PDK1: variants seen among roughly 807,000 people sequenced by gnomAD.
PDK1 encodes pyruvate dehydrogenase kinase 1.
In PDK1, 39 loss-of-function variants were observed where a neutral mutation model predicts 54.2. The ratio of observed to expected loss-of-function variants is 0.72; its 90% CI spans 0.56 to 0.94. The LOEUF is 0.94. PDK1 is among the 40% of genes least tolerant of loss of function. The pLI is 0.00. For missense variants in PDK1, 552 were observed against 566.0 expected (o/e 0.98, Z 0.25); for synonymous variants, 221 against 207.1 (o/e 1.07, Z -0.58).
rs1691084856 is a variant in PDK1 at position 172,600,715 on chromosome 2, T to G, written c.*4746T>G. 1 of 152,268 alleles carries G rather than the reference T, an allele frequency of 6.6e-6. No individual in the cohort carries two copies. Among genetic ancestry groups the G allele is most frequent in the Non-Finnish European group, 1.5e-5 (1 of 68,120 alleles). The allele number at this position is 152,268 out of a possible 1,614,324, so 9.4% of individuals were successfully genotyped here. A position where few individuals can be genotyped will look rare whatever the true frequency, so the allele number is the denominator to read the frequency against. On this transcript the variant is annotated 3_prime_UTR_variant, in exon 11 of 11. Transcript: ENST00000282077. ...GGAGGGGGCTCATGAGGAGGGGATA[T>G]CTTATCCTCCTAGGGTCCGAGGACG... is the stretch of plus-strand genomic sequence containing the variant.
intron 10 of PDK1, among the ~76,000 whole-genome samples, chr2:172,594,940 T>C (rs977346083): frequency 1.3e-5 from 2 of 152,192 alleles, no homozygotes; most frequent in African/African-American, 4.8e-5. Context: ...AGAAATCTTG[T>C]GCACAGTGAC....
intron 8 of PDK1, among the ~76,000 whole-genome samples, chr2:172,583,219 A>G (rs1415894198): frequency 6.6e-6 from 1 of 151,362 alleles, no homozygotes; most frequent in African/African-American, 2.4e-5. Flanking sequence ...CATCTTACTA[A>G]AATAAATTAC....
intron 3 of PDK1, among the ~76,000 whole-genome samples, chr2:172,563,587 A>G (rs867993762): frequency 6.6e-6 from 1 of 152,316 alleles, no homozygotes; most frequent in Middle Eastern, 3.4e-3. Context: ...TAATCCCAGC[A>G]CTTTGGGAGG....
intron 2 of PDK1, among the ~76,000 whole-genome samples, 171 bp from the exon 3 acceptor site, chr2:172,562,049 G>A (rs1392197299): frequency 6.6e-6 from 1 of 152,124 alleles, no homozygotes; most frequent in Non-Finnish European, 1.5e-5. Context: ...TTCATTCCCA[G>A]CACTTTGCTT....
the PDK1 span, among the ~76,000 whole-genome samples, chr2:172,629,273 T>C: frequency 6.6e-6 from 1 of 152,214 alleles, no homozygotes; most frequent in African/African-American, 2.4e-5. Flanking sequence ...AGAACATGCA[T>C]TCCTGTTTTC....
chr2:172,652,415 G>A, the PDK1 span, among the ~76,000 whole-genome samples: 3 of 152,160 alleles, frequency 2.0e-5, no homozygotes, highest in Admixed American at 6.5e-5. Flanking sequence ...GCACAAGACA[G>A]GGATGCCCTC....
Position 172,556,311 on chromosome 2 carries a change from C to G in PDK1, c.161C>G (p.Pro54Arg). ...GTGGACTTCTACGCGCGCTTCTCGCCGTCCCCGCTCTCCATGAAGCAGTTC... is the reference window on the plus strand; with the variant it reads ...GTGGACTTCTACGCGCGCTTCTCGCGGTCCCCGCTCTCCATGAAGCAGTTC... The part of the protein sequence containing the change: ...GQVDFYARFS[P>R]SPLSMKQFLD... Residue 54 changes from proline to arginine, a missense_variant, in exon 1 of 11, where the codon CCG becomes CGG. Pro to Arg is a moderately radical substitution (Grantham distance 103). Coordinates refer to ENST00000282077, the MANE Select transcript of PDK1 (RefSeq NM_002610.5). 2 of 1,499,734 alleles carry G rather than the reference C, an allele frequency of 1.3e-6. No individual in the cohort carries two copies. The highest frequency in any genetic ancestry group is 1.8e-4 in the Middle Eastern group (1 of 5,674). The allele number at this position is 1,499,734 out of a possible 1,614,324, so 92.9% of individuals were successfully genotyped here.
rs756207053 is a variant in PDK1 at position 172,564,479 on chromosome 2, G to A, written c.411-24G>A. The A allele has an allele frequency of 1.6e-5, 25 of 1,585,660 alleles. No individual in the cohort carries two copies. In the East Asian group the frequency reaches 4.3e-4, roughly 27 times the overall value. On this transcript the variant is annotated intron_variant, in intron 3 of 10. Coordinates refer to ENST00000282077, the MANE Select transcript of PDK1 (RefSeq NM_002610.5). ...AGTTTACTTGTCAAAATATTTGGCTGTTTTGACAGATGGGTTTGTTTAGCT... is the reference window on the plus strand; with the variant it reads ...AGTTTACTTGTCAAAATATTTGGCTATTTTGACAGATGGGTTTGTTTAGCT...
the PDK1 span, among the ~76,000 whole-genome samples, chr2:172,715,474 C>G: frequency 6.6e-6 from 1 of 152,298 alleles, no homozygotes; most frequent in Non-Finnish European, 1.5e-5. Context: ...AGGCCCACCA[C>G]TATGTATTTC....
At chr2:172,669,666 C>T in the PDK1 span, among the ~76,000 whole-genome samples, 16 of 152,282 alleles carry the variant, frequency 1.1e-4, no homozygotes, top group East Asian at 3.1e-3. Context: ...TCTCCACGTC[C>T]TTACCAACAC....
chr2:172,709,893 A>G, the PDK1 span, among the ~76,000 whole-genome samples: 139 of 152,196 alleles, frequency 9.1e-4, 2 homozygotes, highest in Admixed American at 3.9e-4. Flanking sequence ...ATAAACCCAC[A>G]TGACATTTTA....
chr2:172,560,538 G>C (rs1187950195), intron 2 of PDK1, among the ~76,000 whole-genome samples: 1 of 152,208 alleles, frequency 6.6e-6, no homozygotes, highest in Non-Finnish European at 1.5e-5. Flanking sequence ...CAGTACCATT[G>C]ATAGTGGAGT....
intron 5 of PDK1, among the ~76,000 whole-genome samples, chr2:172,566,287 G>T (rs1450811221): frequency 6.6e-6 from 1 of 152,168 alleles, no homozygotes; most frequent in Non-Finnish European, 1.5e-5. Context: ...AGGCACAGTG[G>T]CTCATGCCTA....
chr2:172,640,919 TC>T, the PDK1 span, among the ~76,000 whole-genome samples: 1 of 140,918 alleles, frequency 7.1e-6, no homozygotes, highest in Non-Finnish European at 1.5e-5. Context: ...CTTCCTTCCC[TC>T]CCTTCCTTCC....
chr2:172,560,261 G>A (rs1252910118), intron 2 of PDK1, among the ~76,000 whole-genome samples: 1 of 152,224 alleles, frequency 6.6e-6, no homozygotes, highest in African/African-American at 2.4e-5. Flanking sequence ...CTGGGGTCAA[G>A]AGATTCTCCT....
the PDK1 span, among the ~76,000 whole-genome samples, chr2:172,657,117 G>T: frequency 6.6e-6 from 1 of 152,122 alleles, no homozygotes; most frequent in Non-Finnish European, 1.5e-5. Context: ...AATTTTCTGG[G>T]AGGTGGTTTG....
chr2:172,693,055 T>G, the PDK1 span, among the ~76,000 whole-genome samples: 1 of 152,244 alleles, frequency 6.6e-6, no homozygotes, highest in African/African-American at 2.4e-5. Context: ...ACCAGATTTA[T>G]GCTTCAGTCA....
At chr2:172,587,178 CAAG>C (rs1162418483) in intron 9 of PDK1, among the ~76,000 whole-genome samples, 3 of 152,196 alleles carry the variant, frequency 2.0e-5, no homozygotes, top group African/African-American at 2.4e-5. Context: ...TTGCTGACTT[CAAG>C]AATGAAGCTG....
the PDK1 span, among the ~76,000 whole-genome samples, chr2:172,679,228 T>C: frequency 1.3e-5 from 2 of 152,208 alleles, no homozygotes; most frequent in African/African-American, 4.8e-5. Context: ...GGATGATTGC[T>C]TGAAGCTAGG....
Sources: gnomAD v4.1 joint callset for allele counts (sites outside exome capture counted in the v4.1 genomes callset) on GRCh38, gnomAD v4.1.1 for gene constraint, MANE v1.5 for transcripts, NCBI Gene and HGNC (gene_info 2026-07-23, HGNC 2026-07-21) for gene names.